ZFHX3: variants seen among roughly 807,000 people sequenced by gnomAD.
ZFHX3 encodes zinc finger homeobox 3.
Under a neutral mutation model 279.1 loss-of-function variants are expected in ZFHX3, and 42 were observed. The observed-to-expected ratio is 0.15, with a 90% confidence interval of 0.12 to 0.19. ZFHX3 has a LOEUF of 0.19. Ranked by LOEUF, ZFHX3 falls within the 10% of genes least tolerant of loss-of-function variation. ZFHX3 has a pLI of 1.00. For synonymous variants in ZFHX3, 2,293 were observed against 1,957.8 expected, an observed-to-expected ratio of 1.17 and a Z score of -4.52; for missense variants, 4,981 against 4,754.0, an observed-to-expected ratio of 1.05 and a Z score of -1.40.
intron 4 of ZFHX3, among the ~76,000 whole-genome samples, chr16:73,266,898 T>G (rs2013992144): frequency 6.6e-6 from 1 of 152,242 alleles, no homozygotes; most frequent in South Asian, 2.1e-4. Flanking sequence ...TTCTTTTTCT[T>G]TATAAATTAT....
chr16:73,513,479 G>C (rs1417989749), intron 2 of ZFHX3, among the ~76,000 whole-genome samples: 1 of 152,124 alleles, frequency 6.6e-6, no homozygotes, highest in African/African-American at 2.4e-5. Context: ...AACTGATGGA[G>C]AAAATAACTT....
At chr16:72,895,970 T>TC (rs539107950) in intron 3 of ZFHX3, among the ~76,000 whole-genome samples, 94 of 152,348 alleles carry the variant, frequency 6.2e-4, no homozygotes, top group Non-Finnish European at 1.2e-3. Context: ...ACTGTAGCTT[T>TC]CACAGAAAGA....
At chr16:72,946,512 A>G (rs1960684894) in intron 3 of ZFHX3, among the ~76,000 whole-genome samples, 1 of 152,242 alleles carries the variant, frequency 6.6e-6, no homozygotes, top group South Asian at 2.1e-4. Context: ...ATCAAAGTGA[A>G]AAACAGATTC....
At chr16:72,980,826 G>A (rs2144540253) in intron 1 of ZFHX3, among the ~76,000 whole-genome samples, 1 of 152,160 alleles carries the variant, frequency 6.6e-6, no homozygotes, top group South Asian at 2.1e-4. Context: ...TGATATCGTT[G>A]GCTTCAAAAT....
chr16:73,793,753 G>A (rs901033782), intron 1 of ZFHX3, among the ~76,000 whole-genome samples: 1 of 152,198 alleles, frequency 6.6e-6, no homozygotes, highest in African/African-American at 2.4e-5. Flanking sequence ...GGAATAAGAG[G>A]AGGAGGAGTC....
chr16:73,442,199 A>G (rs896124972), intron 3 of ZFHX3, among the ~76,000 whole-genome samples: 4 of 152,204 alleles, frequency 2.6e-5, no homozygotes, highest in African/African-American at 7.2e-5. Context: ...TGGAAGGGAA[A>G]GGACATTCAT....
At chr16:73,262,559 T>C (rs141642834) in intron 4 of ZFHX3, among the ~76,000 whole-genome samples, 7 of 149,530 alleles carry the variant, frequency 4.7e-5, no homozygotes, top group African/African-American at 1.7e-4. Flanking sequence ...TTCCAGATGA[T>C]GAGACAAGGT....
At chr16:73,726,555 A>G (rs1468417970) in intron 1 of ZFHX3, among the ~76,000 whole-genome samples, 1 of 152,208 alleles carries the variant, frequency 6.6e-6, no homozygotes, top group Non-Finnish European at 1.5e-5. Flanking sequence ...TAATTTATAA[A>G]GGAAAGAGGT....
intron 7 of ZFHX3, among the ~76,000 whole-genome samples, chr16:73,107,316 T>TAATAA (rs1352548367): frequency 3.3e-5 from 5 of 151,820 alleles, no homozygotes; most frequent in Admixed American, 2.6e-4. Flanking sequence ...TCTCAAAAAA[T>TAATAA]AATAAAATAA....
At chr16:73,575,065 A>C (rs2051785863) in intron 2 of ZFHX3, among the ~76,000 whole-genome samples, 1 of 152,160 alleles carries the variant, frequency 6.6e-6, no homozygotes, top group African/African-American at 2.4e-5. Context: ...GTTTTTAAAA[A>C]CTAAGCCAGT....
intron 5 of ZFHX3, among the ~76,000 whole-genome samples, chr16:73,182,809 C>T (rs568814495): frequency 6.9e-4 from 103 of 148,570 alleles, no homozygotes; most frequent in Middle Eastern, 3.6e-3. Context: ...ACTGCATGCT[C>T]TCACTTCTAA....
intron 1 of ZFHX3, among the ~76,000 whole-genome samples, chr16:73,743,409 T>G (rs2142262243): frequency 6.6e-6 from 1 of 152,322 alleles, no homozygotes; most frequent in East Asian, 1.9e-4. Flanking sequence ...ATTTGAACGC[T>G]TATGGAAGCA....
At chr16:72,926,860 G>C (rs1959474989) in intron 3 of ZFHX3, among the ~76,000 whole-genome samples, 1 of 152,164 alleles carries the variant, frequency 6.6e-6, no homozygotes, top group Non-Finnish European at 1.5e-5. Context: ...CAGACCTCCA[G>C]ATGGCTAGTT....
chr16:73,504,642 G>T (rs72801418), intron 2 of ZFHX3: 5,480 of 152,408 alleles, frequency 0.036, 143 homozygotes, highest in African/African-American at 0.071. Context: ...CATCGGACCA[G>T]CAAGGCGCTC....
At chr16:73,262,241 T>A (rs2013847231) in intron 4 of ZFHX3, among the ~76,000 whole-genome samples, 1 of 152,210 alleles carries the variant, frequency 6.6e-6, no homozygotes, top group Non-Finnish European at 1.5e-5. Context: ...TTGAATTGCT[T>A]GAGTTTCAAG....
intron 1 of ZFHX3, among the ~76,000 whole-genome samples, chr16:73,778,401 C>T (rs1291403878): frequency 6.6e-6 from 1 of 152,134 alleles, no homozygotes; most frequent in Non-Finnish European, 1.5e-5. Context: ...CTGTTAATTA[C>T]CTTACCTTGT....
intron 4 of ZFHX3, among the ~76,000 whole-genome samples, chr16:73,296,380 C>A (rs971327713): frequency 2.0e-5 from 3 of 152,090 alleles, no homozygotes; most frequent in Admixed American, 1.3e-4. Flanking sequence ...GCCTTCCATA[C>A]CCTTGATGTG....
chr16:73,446,523 C>T (rs558620962), intron 3 of ZFHX3, among the ~76,000 whole-genome samples: 3 of 152,306 alleles, frequency 2.0e-5, no homozygotes, highest in East Asian at 1.9e-4. Flanking sequence ...CACAAGGTCC[C>T]TCCCCCAACA....
chr16:73,805,917 T>C (rs946921133), intron 1 of ZFHX3, among the ~76,000 whole-genome samples: 1 of 152,194 alleles, frequency 6.6e-6, no homozygotes, highest in Non-Finnish European at 1.5e-5. Context: ...GGAACATGTA[T>C]TATTCCATTC....
Sources: gnomAD v4.1 joint callset for allele counts (sites outside exome capture counted in the v4.1 genomes callset) on GRCh38, gnomAD v4.1.1 for gene constraint, MANE v1.5 for transcripts, NCBI Gene and HGNC (gene_info 2026-07-23, HGNC 2026-07-21) for gene names.